TLN2: variants seen among roughly 807,000 people sequenced by gnomAD.
TLN2 encodes the protein talin 2.
In TLN2, 118 loss-of-function variants were observed where a neutral mutation model predicts 294.7. That is an observed-to-expected ratio of 0.40 (90% CI 0.34 to 0.47). The LOEUF (loss-of-function observed/expected upper bound fraction) is 0.47, where lower values mean the gene tolerates loss of function less well. Among genes scored for constraint, TLN2 ranks in the 20% least tolerant of loss-of-function variants. The pLI is 0.84. For missense variants in TLN2, 3,083 were observed against 3,282.2 expected, an observed-to-expected ratio of 0.94 and a Z score of 1.48; for synonymous variants, 1,431 against 1,304.5, an observed-to-expected ratio of 1.10 and a Z score of -2.09.
chr15:62,735,591 C>T (rs2060967742), intron 28 of TLN2, among the ~76,000 whole-genome samples: 1 of 152,188 alleles, frequency 6.6e-6, no homozygotes, highest in South Asian at 2.1e-4. Context: ...CTGGTGTTGG[C>T]TAGGATGTAG....
At chr15:62,717,760 C>G (rs767776152) in intron 24 of TLN2, 71 bp downstream of exon 24, 2 of 1,120,322 alleles carry the variant, frequency 1.8e-6, no homozygotes, top group Non-Finnish European at 2.4e-6. Context: ...ACCAAGTCCC[C>G]TGGTAGTTCA....
At chr15:62,512,261 A>G (rs116664033) in intron 1 of TLN2, among the ~76,000 whole-genome samples, 1,737 of 152,144 alleles carry the variant, frequency 0.011, 30 homozygotes, top group African/African-American at 0.04. Context: ...TGAAATTACT[A>G]CATCATTTCT....
In TLN2 at chr15:62,686,762, A is replaced by G. The variant is rs2057323935; in HGVS notation, c.1079A>G (p.Lys360Arg). 1 of 1,613,526 alleles carries G rather than the reference A, an allele frequency of 6.2e-7. No individual in the cohort carries two copies. The highest frequency in any genetic ancestry group is 8.5e-7 in the Non-Finnish European group (1 of 1,179,902). The change falls in exon 12 of 59, where the codon AAG (lysine) becomes AGG (arginine). Residue 360 changes from lysine to arginine, a missense_variant. Transcript: ENST00000636159. ...VLQEWPLTTV[K>R]RWAASPKSFT... ...CAGGAGTGGCCCCTCACCACCGTCAAGCGCTGGGCAGCCTCACCCAAGAGC... is the reference window on the plus strand; with the variant it reads ...CAGGAGTGGCCCCTCACCACCGTCAGGCGCTGGGCAGCCTCACCCAAGAGC...
At chr15:62,826,572 G>A (rs192786103) in intron 54 of TLN2, among the ~76,000 whole-genome samples, 2 of 152,324 alleles carry the variant, frequency 1.3e-5, no homozygotes, top group African/African-American at 4.8e-5. Flanking sequence ...CAGTCCTGAA[G>A]CCACCCCATC....
Position 62,840,723 on chromosome 15 carries a change from A to T in TLN2, c.*113A>T. The T allele has an allele frequency of 5.6e-6, 8 of 1,432,122 alleles. No individual in the cohort carries two copies. The highest frequency in any genetic ancestry group is 7.4e-6 in the Non-Finnish European group (8 of 1,074,278). 88.7% of individuals were successfully genotyped at this position (1,432,122 alleles called of 1,614,324 possible). ...AAACCGCCCACCTCCCTCCCGGGTG[A>T]GCCTGGAGCCCTGCGTGCTTGTTCT... On this transcript the variant is annotated 3_prime_UTR_variant, in exon 59 of 59. Transcript: ENST00000636159.
At chr15:62,693,955 C>CT (rs71131123) in intron 13 of TLN2, among the ~76,000 whole-genome samples, 3 of 94,174 alleles carry the variant, frequency 3.2e-5, no homozygotes, top group African/African-American at 1.2e-4. Context: ...GATTTTCTTT[C>CT]TTTTTTTTTT....
At chr15:62,715,148 A>G (rs1404527104) in intron 22 of TLN2, among the ~76,000 whole-genome samples, 1 of 152,278 alleles carries the variant, frequency 6.6e-6, no homozygotes, top group Non-Finnish European at 1.5e-5. Flanking sequence ...GAGGGTTGCC[A>G]AAAGAATTCT....
At chr15:62,432,479 T>G (rs1406278326) in intron 1 of TLN2, among the ~76,000 whole-genome samples, 1 of 152,178 alleles carries the variant, frequency 6.6e-6, no homozygotes, top group Non-Finnish European at 1.5e-5. Flanking sequence ...GGAGCTCTCT[T>G]GACCTAAACA....
At chr15:62,785,825 G>A (rs966222695) in intron 45 of TLN2, among the ~76,000 whole-genome samples, 9 of 152,050 alleles carry the variant, frequency 5.9e-5, no homozygotes, top group Non-Finnish European at 1.2e-4. Flanking sequence ...CCCACCCAAC[G>A]TGTGAAACAA....
At chr15:62,610,883 C>T (rs761796098) in intron 2 of TLN2, among the ~76,000 whole-genome samples, 3 of 152,204 alleles carry the variant, frequency 2.0e-5, no homozygotes, top group African/African-American at 4.8e-5. Flanking sequence ...GGCACACGCA[C>T]GGGTGTGTCT....
chr15:62,824,403 T>G (rs1363936148), intron 54 of TLN2, among the ~76,000 whole-genome samples: 1 of 152,222 alleles, frequency 6.6e-6, no homozygotes, highest in Admixed American at 6.5e-5. Flanking sequence ...TGGTTCATTT[T>G]TATCCTGATC....
At chr15:62,582,246 A>ACACACACACACACACACCCCCC (rs764248336) in intron 1 of TLN2, among the ~76,000 whole-genome samples, 31 of 137,308 alleles carry the variant, frequency 2.3e-4, no homozygotes, top group East Asian at 1.4e-3. Flanking sequence ...ACACACACAC[A>ACACACACACACACACACCCCCC]CATTCATGCC....
At chr15:62,561,413 G>T (rs559373102) in intron 1 of TLN2, 1 of 152,346 alleles carries the variant, frequency 6.6e-6, no homozygotes, top group Non-Finnish European at 1.5e-5. Flanking sequence ...TTCGCGAGAG[G>T]AGCTGAGGGC....
intron 2 of TLN2, among the ~76,000 whole-genome samples, chr15:62,595,727 G>A (rs918759951): frequency 1.3e-5 from 2 of 152,156 alleles, no homozygotes; most frequent in African/African-American, 4.8e-5. Flanking sequence ...ATACTATTCA[G>A]CCTTCAAGGA....
intron 2 of TLN2, among the ~76,000 whole-genome samples, chr15:62,602,335 C>T (rs941503540): frequency 2.0e-5 from 3 of 152,144 alleles, no homozygotes; most frequent in African/African-American, 4.8e-5. Flanking sequence ...ACAGTATATT[C>T]GAAAGATATT....
At chr15:62,722,880 TTAA>T (rs1220333401) in intron 26 of TLN2, among the ~76,000 whole-genome samples, 1 of 152,232 alleles carries the variant, frequency 6.6e-6, no homozygotes, top group African/African-American at 2.4e-5. Context: ...TTTTGTGAAC[TTAA>T]TAACAAATTA....
chr15:62,724,859 C>A, intron 26 of TLN2, 117 bp from the exon 27 acceptor site: 1 of 1,316,546 alleles, frequency 7.6e-7, no homozygotes, highest in East Asian at 2.5e-5. Flanking sequence ...CTTGCTCCTC[C>A]TGCTGGATTT....
At chr15:62,635,607 A>C (rs754502795) in intron 3 of TLN2, among the ~76,000 whole-genome samples, 1 of 152,172 alleles carries the variant, frequency 6.6e-6, no homozygotes, top group Non-Finnish European at 1.5e-5. Context: ...CAGACATGGA[A>C]GTCTAGATTC....
At chr15:62,736,060 C>T (rs2060992909) in intron 28 of TLN2, among the ~76,000 whole-genome samples, 2 of 152,100 alleles carry the variant, frequency 1.3e-5, no homozygotes, top group South Asian at 4.2e-4. Flanking sequence ...CGCCTGTAAT[C>T]CCAGCACTTT....
Sources: allele counts gnomAD v4.1 joint callset (sites outside exome capture counted in the v4.1 genomes callset), GRCh38; gene constraint gnomAD v4.1.1; transcripts MANE v1.5; gene names NCBI Gene and HGNC (gene_info 2026-07-23, HGNC 2026-07-21).